The following KCP variants were observed in gnomAD, a reference collection of about 807,000 sequenced individuals.
KCP encodes the protein kielin/chordin-like protein.
Under a neutral mutation model 212.7 loss-of-function variants are expected in KCP, and 194 were observed. The observed-to-expected ratio is 0.91, with a 90% CI of 0.81 to 1.03. The LOEUF is 1.03. Ranked by LOEUF, KCP falls within the 50% of genes least tolerant of loss-of-function variation. The probability of loss-of-function intolerance (pLI) is 0.00; values close to 1 mark genes in which losing one functional copy is unlikely to be tolerated. For missense variants in KCP, 2,080 were observed against 2,162.5 expected (o/e 0.96, Z 0.76); for synonymous variants, 833 against 865.3 (o/e 0.96, Z 0.65).
rs936928412 is a variant in KCP, at chr7:128,891,270, G to T, written c.1887C>A (p.Asn629Lys). 1.9e-6 allele frequency: 3 copies of T among 1,547,210 alleles called. No homozygotes were observed. Among genetic ancestry groups the T allele is most frequent in the Non-Finnish European group, 2.6e-6 (3 of 1,146,674 alleles). ...CGCAGCGGCGGGCCAGGCACTGCAC[G>T]TTGCCGCTCTACGGACCGACAGACG... ...PCRLCRCLSGNVQCLARRCVP... is the reference protein window; with the variant it reads ...PCRLCRCLSGKVQCLARRCVP... Residue 629 changes from asparagine to lysine, a missense_variant, in exon 19 of 40, where the codon AAC becomes AAA. Transcript: ENST00000610776.
At position 128,881,078 on chromosome 7, in the gene KCP, C is replaced by A; in HGVS notation, c.3432G>T (p.Val1144=). The part of the protein sequence containing the change: ...GSCCPVCREC[V]VEAEGRRVAD... ...CCACTCTCCGGCCCTCGGCCTCCAC[C>A]ACACATTCTGAGGGGGGAGACATGG... The change falls in exon 32 of 40, where the codon GTG becomes GTT. Residue 1144 remains valine, a synonymous_variant. Coordinates refer to ENST00000610776, the MANE Select transcript of KCP (RefSeq NM_001366122.1). 5.0e-6 allele frequency: 2 copies of A among 398,920 alleles called. No homozygotes were observed. Among genetic ancestry groups the A allele is most frequent in the East Asian group, 3.6e-5 (1 of 28,082 alleles). The allele number at this position is 398,920 out of a possible 1,614,324, so 24.7% of individuals were successfully genotyped here.
At position 128,893,794 on chromosome 7, in the gene KCP, GC is replaced by G; in HGVS notation, c.1099+11del. ...GCCTGCCCCTCCCGCAGAGACCCCG[GC>G]CCCCACTCACCATCGCAGACAGGGC... On this transcript the variant is annotated intron_variant, in intron 11 of 39. Transcript: ENST00000610776. 6.5e-7 allele frequency: 1 copy of G among 1,548,864 alleles called. No individual in the cohort carries two copies.
rs1274083133 is a variant in KCP at position 128,910,618 on chromosome 7, A to T, written c.59T>A (p.Leu20Gln). The T allele has an allele frequency of 6.6e-7, 1 of 1,515,718 alleles. No individual in the cohort carries two copies. 93.9% of individuals were successfully genotyped at this position (1,515,718 alleles called of 1,614,324 possible). A position where few individuals can be genotyped will look rare whatever the true frequency, so the allele number is the denominator to read the frequency against. Residue 20 changes from leucine to glutamine, a missense_variant, in exon 1 of 40, where the codon CTG becomes CAG. Transcript: ENST00000610776. ...GGACTCACCTTCCGCGCCCGCGGCC[A>T]GCGCCAGGGCCCCGAGGTGCAGGAG... ...SLLLHLGALA[L>Q]AAGAEGGAVP... is the part of the protein sequence containing the mutation.
intron 28 of KCP, among the ~76,000 whole-genome samples, 185 bp downstream of exon 28, chr7:128,884,596 G>A (rs1442633423): frequency 6.6e-6 from 1 of 152,204 alleles, no homozygotes; most frequent in Non-Finnish European, 1.5e-5. Flanking sequence ...TGCGCTCCTT[G>A]TCTAAACCCA....
chr7:128,909,263 G>A (rs1585264938), intron 1 of KCP, among the ~76,000 whole-genome samples: 1 of 152,170 alleles, frequency 6.6e-6, no homozygotes, highest in South Asian at 2.1e-4. Context: ...GGATGGGCAG[G>A]GAAGTTGAGG....
In KCP at chr7:128,892,709, AG is replaced by A; in HGVS notation, c.1505del (p.Pro502LeufsTer12). ...NGQNFTDADS[P>X]CHACHCQDGT... ...TTACCTGACAGTGGCAGGCATGGCAAGGGCTGTCTGCATCCGTGAAGTTCTG... is the reference window on the plus strand; with the variant it reads ...TTACCTGACAGTGGCAGGCATGGCAAGGCTGTCTGCATCCGTGAAGTTCTG... On this transcript the variant is annotated frameshift_variant, in exon 15 of 40. Transcript: ENST00000610776. LOFTEE classifies it high-confidence loss of function. The A allele has an allele frequency of 6.4e-7, 1 of 1,551,628 alleles. No homozygotes were observed. The highest frequency in any genetic ancestry group is 8.7e-7 in the Non-Finnish European group (1 of 1,146,942).
At chr7:128,882,793 G>T (rs532186940) in intron 29 of KCP, among the ~76,000 whole-genome samples, 1 of 152,152 alleles carries the variant, frequency 6.6e-6, no homozygotes, top group Admixed American at 6.5e-5. Context: ...AAACAGAAAA[G>T]TCGGCGAGGT....
chr7:128,890,628 A>C, intron 20 of KCP, 115 bp from the exon 21 acceptor site: 1 of 87,848 alleles, frequency 1.1e-5, no homozygotes, highest in Non-Finnish European at 1.7e-5. Flanking sequence ...TGGGGGCTGG[A>C]GGTCGTGGGG....
chr7:128,879,446 C>A, intron 37 of KCP, 76 bp downstream of exon 37: 1 of 1,301,034 alleles, frequency 7.7e-7, no homozygotes, highest in Non-Finnish European at 1.1e-6. Flanking sequence ...TCCCCACCCC[C>A]TCTACAGATA....
intron 22 of KCP, 108 bp downstream of exon 22, chr7:128,888,755 G>A (rs1432268098): frequency 9.2e-7 from 1 of 1,089,594 alleles, no homozygotes; most frequent in Non-Finnish European, 1.3e-6. Context: ...TGAGAGAAAA[G>A]TATGGTGGAG....
Position 128,881,827 on chromosome 7 carries a change from G to A in KCP, c.3325-102C>T, listed in dbSNP as rs1219909316. ...TGACAGTCAGGACAAGTGGGCAAAT[G>A]TCAGGGCGAATGGAGAGCCCTGGAG... On this transcript the variant is annotated intron_variant, in intron 30 of 39. Transcript: ENST00000610776. 3.6e-6 allele frequency: 5 copies of A among 1,382,320 alleles called. No individual in the cohort carries two copies. In the African/African-American group the frequency reaches 4.4e-5, roughly 12 times the overall value. The allele number at this position is 1,382,320 out of a possible 1,614,324, so 85.6% of individuals were successfully genotyped here.
chr7:128,901,025 G>A (rs948919907), intron 8 of KCP, among the ~76,000 whole-genome samples: 1 of 152,146 alleles, frequency 6.6e-6, no homozygotes, highest in Non-Finnish European at 1.5e-5. Flanking sequence ...CAAGATATAG[G>A]TCATAAAGAC....
At chr7:128,880,853 A>G in intron 32 of KCP, 132 bp from the exon 33 acceptor site, 1 of 400,024 alleles carries the variant, frequency 2.5e-6, no homozygotes, top group East Asian at 3.6e-5. Context: ...CAAGAGGGGA[A>G]TGAAATCCAG....
chr7:128,879,478 A>G, intron 37 of KCP, 44 bp downstream of exon 37: 1 of 1,501,818 alleles, frequency 6.7e-7, no homozygotes, highest in Non-Finnish European at 9.0e-7. Flanking sequence ...ACAGGACTGA[A>G]GCTCCCAGCA....
intron 28 of KCP, 31 bp from the exon 29 acceptor site, chr7:128,884,153 T>A: frequency 6.6e-7 from 1 of 1,519,438 alleles, no homozygotes; most frequent in Admixed American, 2.3e-5. Context: ...CGGTGGGTCC[T>A]GGGCCACAAA....
chr7:128,890,717 T>TG (rs1794055323), intron 20 of KCP, among the ~76,000 whole-genome samples, 188 bp downstream of exon 20: 1 of 5,852 alleles, frequency 1.7e-4, no homozygotes, highest in Non-Finnish European at 3.4e-4. Flanking sequence ...CGTGGGGGGC[T>TG]GGGGGCCGTG....
At chr7:128,883,561 G>A (rs1793459296) in intron 29 of KCP, among the ~76,000 whole-genome samples, 1 of 152,148 alleles carries the variant, frequency 6.6e-6, no homozygotes, top group South Asian at 2.1e-4. Flanking sequence ...GGCTGTGTTA[G>A]GTAAACAACT....
chr7:128,902,784 C>CAGCCTCA lies in KCP; in HGVS notation c.823_824insTGAGGCT (p.Arg275LeufsTer36). The CAGCCTCA allele has an allele frequency of 1.0e-5, 16 of 1,551,462 alleles. No homozygotes were observed. The highest frequency in any genetic ancestry group is 1.4e-5 in the Non-Finnish European group (16 of 1,146,952). On this transcript the variant is annotated frameshift_variant, in exon 8 of 40. Coordinates refer to ENST00000610776, the MANE Select transcript of KCP (RefSeq NM_001366122.1). LOFTEE classifies it high-confidence loss of function. ...AGCAGCCTCAGGACTCACCAGGCAC[C>CAGCCTCA]GGCAGATTCGGCAGGGGTCCCCAGG...
chr7:128,888,596 C>CCA (rs201825188), intron 22 of KCP, among the ~76,000 whole-genome samples: 16 of 135,082 alleles, frequency 1.2e-4, no homozygotes, highest in African/African-American at 3.3e-4. Context: ...ACACACAGAG[C>CCA]CACACACACA....
Sources: allele counts gnomAD v4.1 joint callset (sites outside exome capture counted in the v4.1 genomes callset), GRCh38; gene constraint gnomAD v4.1.1; transcripts MANE v1.5; gene names NCBI Gene and HGNC (gene_info 2026-07-23, HGNC 2026-07-21).